Variants in KATNAL1 observed in about 807,000 individuals in gnomAD.
The protein encoded by KATNAL1 is katanin catalytic subunit A1 like 1, also known as katanin p60 ATPase-containing subunit A-like 1.
A neutral mutation model predicts 55.2 loss-of-function variants in KATNAL1; 32 were observed. The observed-to-expected ratio is 0.58, with a 90% CI of 0.44 to 0.78. The LOEUF is 0.78. Ranked by LOEUF, KATNAL1 falls within the 30% of genes least tolerant of loss-of-function variation. The pLI, the probability that KATNAL1 is intolerant of heterozygous loss-of-function variation, is 0.00. For synonymous variants in KATNAL1, 193 were observed against 193.6 expected, an observed-to-expected ratio of 1.00 and a Z score of 0.02; for missense variants, 466 against 600.9, an observed-to-expected ratio of 0.78 and a Z score of 2.35.
intron 9 of KATNAL1, among the ~76,000 whole-genome samples, chr13:30,222,402 C>T (rs1447444446): frequency 2.0e-5 from 3 of 152,132 alleles, no homozygotes; most frequent in African/African-American, 4.8e-5. Context: ...GACTTACCAG[C>T]CCCCATAATC....
chr13:30,306,595 A>T (rs1026932937), intron 1 of KATNAL1: 1 of 152,222 alleles, frequency 6.6e-6, no homozygotes, highest in African/African-American at 2.4e-5. Context: ...TAACCTTTAA[A>T]CATTACTGCC....
chr13:30,269,092 T>TCC (rs1212254122), intron 3 of KATNAL1, among the ~76,000 whole-genome samples: 2 of 151,760 alleles, frequency 1.3e-5, no homozygotes, highest in Admixed American at 6.6e-5. Context: ...CCCCACGGTC[T>TCC]CTCTCTCCCT....
intron 9 of KATNAL1, among the ~76,000 whole-genome samples, chr13:30,223,066 G>A (rs575345962): frequency 2.8e-4 from 42 of 151,982 alleles, no homozygotes; most frequent in African/African-American, 9.4e-4. Context: ...CTGCACTCCC[G>A]CCTGGGCAAC....
intron 3 of KATNAL1, among the ~76,000 whole-genome samples, chr13:30,277,465 T>C (rs568392794): frequency 2.6e-5 from 4 of 152,336 alleles, no homozygotes; most frequent in Admixed American, 2.0e-4. Flanking sequence ...CAAACGTCTT[T>C]CCATTAAACC....
chr13:30,264,450 T>G (rs1482238972), intron 3 of KATNAL1, among the ~76,000 whole-genome samples: 1 of 145,536 alleles, frequency 6.9e-6, no homozygotes. Flanking sequence ...ACCTACAAAA[T>G]GGGAGAAAAT....
chr13:30,215,002 G>C (rs560242129), intron 9 of KATNAL1, among the ~76,000 whole-genome samples: 1 of 152,018 alleles, frequency 6.6e-6, no homozygotes, highest in Admixed American at 6.5e-5. Context: ...CAAAATGGGA[G>C]AAAATTTTCA....
intron 3 of KATNAL1, among the ~76,000 whole-genome samples, chr13:30,270,846 T>C (rs1880293390): frequency 6.7e-6 from 1 of 149,844 alleles, no homozygotes; most frequent in African/African-American, 2.5e-5. Flanking sequence ...TGACCTTCCC[T>C]CCACTATTGT....
In KATNAL1 at chr13:30,208,685, T is replaced by C. The variant is rs1873377729; in HGVS notation, c.1328A>G (p.Glu443Gly). 1 of 1,613,990 alleles carries C rather than the reference T, an allele frequency of 6.2e-7. No individual in the cohort carries two copies. Among genetic ancestry groups the C allele is most frequent in the Non-Finnish European group, 8.5e-7 (1 of 1,179,968 alleles). The change falls in exon 11 of 11, where the codon GAA becomes GGA. Residue 443 changes from glutamate (E) to glycine (G), a missense_variant. This residue lies in a region of KATNAL1 where 213 missense variants were observed against 308.6 expected (regional missense o/e 0.69). Coordinates refer to ENST00000380615, the MANE Select transcript of KATNAL1 (RefSeq NM_032116.5). ...TTCCTCTTTAGAAAGTGCACGGATT[T>C]CTTCTGGACTTAAGCCATTGATACG... ...RRRINGLSPE[E>G]IRALSKEELQ...
chr13:30,279,755 C>T (rs1881132510), intron 3 of KATNAL1, among the ~76,000 whole-genome samples: 1 of 152,192 alleles, frequency 6.6e-6, no homozygotes, highest in Admixed American at 6.5e-5. Flanking sequence ...AAAAGCAAAA[C>T]TATCCAAGTT....
rs1329039342 is a variant in KATNAL1 at position 30,255,494 on chromosome 13, A to G, written c.445T>C (p.Ser149Pro). The G allele has an allele frequency of 3.8e-6, 6 of 1,595,676 alleles. No individual in the cohort carries two copies. The highest frequency in any genetic ancestry group is 5.1e-6 in the Non-Finnish European group (6 of 1,170,790). The change falls in exon 4 of 11, where the codon TCT becomes CCT. Residue 149 changes from serine to proline, a missense_variant. Physicochemically the swap from Ser to Pro is moderately conservative, Grantham distance 74 (BLOSUM62 -1). Around this residue, in one of 3 missense-constraint regions of KATNAL1, gnomAD observed 248 missense variants for 275.5 expected, o/e 0.90. Coordinates refer to ENST00000380615, the MANE Select transcript of KATNAL1 (RefSeq NM_032116.5). Reference sequence around the variant, plus strand: ...CTATAGTCCTTGTCCCTACTTGTAGAAGGCTTTTCACTCTTTGATATAGGA... The same window carrying G: ...CTATAGTCCTTGTCCCTACTTGTAGGAGGCTTTTCACTCTTTGATATAGGA... ...AHPISKSEKP[S>P]TSRDKDYRAR...
intron 4 of KATNAL1, among the ~76,000 whole-genome samples, chr13:30,254,368 G>A (rs781427712): frequency 6.6e-6 from 1 of 152,006 alleles, no homozygotes; most frequent in Non-Finnish European, 1.5e-5. Flanking sequence ...GCTGTTTCAT[G>A]GCATAAAAGC....
intron 4 of KATNAL1, among the ~76,000 whole-genome samples, chr13:30,250,498 C>A (rs368022953): frequency 1.3e-5 from 2 of 152,040 alleles, no homozygotes; most frequent in Non-Finnish European, 2.9e-5. Flanking sequence ...AAAAAGTATA[C>A]AATTTGTGCA....
chr13:30,252,003 A>G lies in KATNAL1; in HGVS notation c.492+3444T>C, dbSNP rs570740357. ...ATTTTAAAAAAGAAAAAGAAAAAAG[A>G]CATAATCAGTCTCAGAAAATAAACT... On this transcript the variant is annotated intron_variant, in intron 4 of 10. Coordinates refer to ENST00000380615, the MANE Select transcript of KATNAL1 (RefSeq NM_032116.5). Among the ~76,000 whole-genome samples the G allele has an allele frequency of 3.9e-5, 6 of 152,348 alleles. No homozygotes were observed. The South Asian group carries it at 1.2e-3, about 32-fold the overall frequency.
At chr13:30,273,629 T>C (rs960106557) in intron 3 of KATNAL1, among the ~76,000 whole-genome samples, 3 of 152,214 alleles carry the variant, frequency 2.0e-5, no homozygotes, top group Non-Finnish European at 4.4e-5. Flanking sequence ...AGTCTAAAAA[T>C]AGGGTCCATC....
At chr13:30,217,951 C>T (rs1240476012) in intron 9 of KATNAL1, among the ~76,000 whole-genome samples, 6 of 152,064 alleles carry the variant, frequency 3.9e-5, no homozygotes, top group South Asian at 2.1e-4. Context: ...CCTGGGGACA[C>T]GAGACAGGCC....
chr13:30,303,033 T>C (rs1882958242), intron 1 of KATNAL1, among the ~76,000 whole-genome samples: 1 of 152,208 alleles, frequency 6.6e-6, no homozygotes, highest in Non-Finnish European at 1.5e-5. Context: ...AACAGCTTCA[T>C]AGCAAAATAT....
At position 30,240,148 on chromosome 13, in the gene KATNAL1, CT is replaced by C; in HGVS notation, c.726+311del. ...TCTTCTATAAGACCATATATTATTTCTGCTTAATCTGCTTAACTTTTTATTT... is the reference window on the plus strand; with the variant it reads ...TCTTCTATAAGACCATATATTATTTCGCTTAATCTGCTTAACTTTTTATTT... On this transcript the variant is annotated intron_variant, in intron 6 of 10. Coordinates refer to ENST00000380615, the MANE Select transcript of KATNAL1 (RefSeq NM_032116.5). Among the ~76,000 whole-genome samples, 3 of 152,306 alleles carry C rather than the reference CT, an allele frequency of 2.0e-5. No individual in the cohort carries two copies. The South Asian group carries it at 6.2e-4, about 32-fold the overall frequency.
chr13:30,227,972 G>A (rs1181586961), intron 8 of KATNAL1, among the ~76,000 whole-genome samples: 1 of 152,070 alleles, frequency 6.6e-6, no homozygotes, highest in East Asian at 1.9e-4. Flanking sequence ...TGAAAACAGA[G>A]GGTTCACATT....
At chr13:30,282,719 C>T (rs1192345842) in intron 2 of KATNAL1, among the ~76,000 whole-genome samples, 1 of 151,170 alleles carries the variant, frequency 6.6e-6, no homozygotes, top group Non-Finnish European at 1.5e-5. Flanking sequence ...CTTTGGGAGG[C>T]CGAGGCAGGC....
Sources: gnomAD v4.1 joint callset for allele counts (sites outside exome capture counted in the v4.1 genomes callset) on GRCh38, gnomAD v4.1.1 for gene constraint, gnomAD v4.1.1 regional missense constraint, MANE v1.5 for transcripts, NCBI Gene and HGNC (gene_info 2026-07-23, HGNC 2026-07-21) for gene names.